The following CMIP variants were observed in gnomAD, a reference collection of about 807,000 sequenced individuals.
CMIP encodes the protein c-Maf inducing protein.
In CMIP, 13 loss-of-function variants were observed where a neutral mutation model predicts 97.3. The ratio of observed to expected loss-of-function variants is 0.13; its 90% CI spans 0.09 to 0.21. CMIP has a LOEUF of 0.21. Among genes scored for constraint, CMIP ranks in the 10% least tolerant of loss-of-function variants. The probability of loss-of-function intolerance (pLI) is 1.00; values close to 1 mark genes in which losing one functional copy is unlikely to be tolerated. For synonymous variants in CMIP, 538 were observed against 436.3 expected (o/e 1.23, Z -2.91); for missense variants, 847 against 1,024.9 (o/e 0.83, Z 2.37).
rs191039357 is a variant in CMIP at position 81,458,581 on chromosome 16, C to A, written c.300+13040C>A. ...TTGAAGGGGATCAGGAAGGAGGAAA[C>A]CCCCTGCCTCCACTTTGAAACCCGC... On this transcript the variant is annotated intron_variant, in intron 1 of 20. Coordinates refer to ENST00000537098, the MANE Select transcript of CMIP (RefSeq NM_198390.3). Among the ~76,000 whole-genome samples the A allele has an allele frequency of 1.1e-4, 16 of 152,274 alleles. No homozygotes were observed. In the East Asian group the frequency reaches 1.9e-3, roughly 18 times the overall value.
rs1338689591 is a variant in CMIP, at chr16:81,710,977, G to A, written c.*1178G>A. The A allele has an allele frequency of 6.6e-6, 1 of 151,764 alleles. No individual in the cohort carries two copies. Among genetic ancestry groups the A allele is most frequent in the Non-Finnish European group, 1.5e-5 (1 of 68,070 alleles). The allele number at this position is 151,764 out of a possible 1,614,324, so 9.4% of individuals were successfully genotyped here. A position where few individuals can be genotyped will look rare whatever the true frequency, so the allele number is the denominator to read the frequency against. On this transcript the variant is annotated 3_prime_UTR_variant, in exon 21 of 21. Coordinates refer to ENST00000537098, the MANE Select transcript of CMIP (RefSeq NM_198390.3). The stretch of plus-strand genomic sequence containing the variant: ...CTCTCTGCATGGTCTCTTGGGAAAA[G>A]AGAGATGTGTCGCCTCCGCCAGTCC...
At chr16:81,534,902 T>C (rs2090312236) in intron 1 of CMIP, among the ~76,000 whole-genome samples, 1 of 152,240 alleles carries the variant, frequency 6.6e-6, no homozygotes, top group Non-Finnish European at 1.5e-5. Flanking sequence ...ACCACTGATA[T>C]ACTGTCCTTG....
Position 81,573,410 on chromosome 16 carries a change from G to C in CMIP, c.301-34157G>C, listed in dbSNP as rs894320506. On this transcript the variant is annotated intron_variant, in intron 1 of 20. Coordinates refer to ENST00000537098, the MANE Select transcript of CMIP (RefSeq NM_198390.3). ...AGCTGTCAGAATGTGAAGTGAAGCA[G>C]TAGTGTGGGAACCCTTTTAATAAGG... 2.6e-5 allele frequency among the ~76,000 whole-genome samples: 4 copies of C among 152,014 alleles called. No individual in the cohort carries two copies. In the South Asian group the frequency reaches 6.2e-4, roughly 24 times the overall value.
At position 81,511,903 on chromosome 16, in the gene CMIP, C is replaced by A. The variant is rs149348094; in HGVS notation, c.300+66362C>A. On this transcript the variant is annotated intron_variant, in intron 1 of 20. Transcript: ENST00000537098. ...CCTGTGCTGTCCAATACCACGGCCA[C>A]CAGCCACACATGGTCGCTGAGCACT... is the stretch of plus-strand genomic sequence containing the variant. Among the ~76,000 whole-genome samples the A allele has an allele frequency of 1.3e-4, 20 of 152,262 alleles. No individual in the cohort carries two copies. In the East Asian group the frequency reaches 3.8e-3, roughly 29 times the overall value.
chr16:81,678,936 C>T (rs560330284), intron 10 of CMIP, among the ~76,000 whole-genome samples: 2 of 152,334 alleles, frequency 1.3e-5, no homozygotes, highest in Admixed American at 1.3e-4. Context: ...TACCTGTATG[C>T]TTGAGTGCCT....
intron 1 of CMIP, among the ~76,000 whole-genome samples, chr16:81,472,070 G>A (rs1016378299): frequency 6.6e-6 from 1 of 152,136 alleles, no homozygotes; most frequent in Non-Finnish European, 1.5e-5. Context: ...TGTATATGCC[G>A]TGTACACACA....
chr16:81,498,745 C>CA (rs1006507615), intron 1 of CMIP, among the ~76,000 whole-genome samples: 22 of 152,188 alleles, frequency 1.4e-4, no homozygotes, highest in African/African-American at 5.1e-4. Flanking sequence ...TGTATACACA[C>CA]AGTCCACACG....
At chr16:81,665,578 A>G (rs970003141) in intron 7 of CMIP, 3 of 152,144 alleles carry the variant, frequency 2.0e-5, no homozygotes, top group African/African-American at 7.2e-5. Context: ...TCCCAATCAC[A>G]TGTTGTACTG....
At chr16:81,492,583 C>G (rs202103560) in intron 1 of CMIP, among the ~76,000 whole-genome samples, 13 of 94,328 alleles carry the variant, frequency 1.4e-4, no homozygotes. Context: ...CTAGCAGGGC[C>G]GGGCCTTGCT....
intron 2 of CMIP, among the ~76,000 whole-genome samples, chr16:81,617,705 G>T (rs1417641485): frequency 6.6e-6 from 1 of 152,172 alleles, no homozygotes; most frequent in East Asian, 1.9e-4. Context: ...ACCAGCTCTG[G>T]CCCAGCCAGG....
chr16:81,678,714 C>T (rs1010040687), intron 10 of CMIP, 86 bp downstream of exon 10: 6 of 660,704 alleles, frequency 9.1e-6, no homozygotes, highest in African/African-American at 5.4e-5. Flanking sequence ...TTTGTTGGTT[C>T]GAGCTACGCA....
At chr16:81,649,188 T>G (rs1360828344) in intron 3 of CMIP, among the ~76,000 whole-genome samples, 2 of 152,244 alleles carry the variant, frequency 1.3e-5, no homozygotes. Flanking sequence ...CTCATGAAAT[T>G]TTAGCCCTTG....
chr16:81,642,336 G>A (rs1459118715), intron 3 of CMIP, among the ~76,000 whole-genome samples: 2 of 152,076 alleles, frequency 1.3e-5, no homozygotes, highest in Non-Finnish European at 2.9e-5. Context: ...TAGAGACAGT[G>A]CCCCACTCAG....
At chr16:81,491,238 G>A (rs1296583892) in intron 1 of CMIP, among the ~76,000 whole-genome samples, 2 of 152,204 alleles carry the variant, frequency 1.3e-5, no homozygotes, top group Admixed American at 1.3e-4. Flanking sequence ...GCCGGTGTCT[G>A]GGGTTGGCCT....
intron 1 of CMIP, among the ~76,000 whole-genome samples, chr16:81,526,229 C>T (rs1453293133): frequency 6.6e-6 from 1 of 152,208 alleles, no homozygotes; most frequent in Non-Finnish European, 1.5e-5. Flanking sequence ...TCCAGGAATT[C>T]TCAACCTTGG....
intron 2 of CMIP, among the ~76,000 whole-genome samples, chr16:81,611,718 C>T (rs1008370921): frequency 9.9e-5 from 15 of 152,190 alleles, no homozygotes; most frequent in African/African-American, 3.4e-4. Context: ...CTCCCCTCTT[C>T]TCTTCCTCCT....
At chr16:81,566,516 C>T (rs982053095) in intron 1 of CMIP, among the ~76,000 whole-genome samples, 2 of 152,230 alleles carry the variant, frequency 1.3e-5, no homozygotes, top group African/African-American at 4.8e-5. Context: ...TGCTGTGTGA[C>T]TCTGGGTATA....
intron 7 of CMIP, chr16:81,666,781 A>G (rs1313556049): frequency 6.6e-6 from 1 of 152,200 alleles, no homozygotes; most frequent in East Asian, 1.9e-4. Flanking sequence ...TCTCGTGTAG[A>G]AGAACAGACT....
At chr16:81,456,331 G>C (rs1906543835) in intron 1 of CMIP, among the ~76,000 whole-genome samples, 1 of 152,214 alleles carries the variant, frequency 6.6e-6, no homozygotes, top group Non-Finnish European at 1.5e-5. Flanking sequence ...TGAGGCGTTA[G>C]CAGGGGAAAT....
Sources: gnomAD v4.1 joint callset for allele counts (sites outside exome capture counted in the v4.1 genomes callset) on GRCh38, gnomAD v4.1.1 for gene constraint, MANE v1.5 for transcripts, NCBI Gene and HGNC (gene_info 2026-07-23, HGNC 2026-07-21) for gene names.